The following SRRM3 variants were observed in gnomAD, a reference collection of about 807,000 sequenced individuals.
SRRM3 encodes serine/arginine repetitive matrix 3.
A neutral mutation model predicts 66.2 loss-of-function variants in SRRM3; 27 were observed. The ratio of observed to expected loss-of-function variants is 0.41; its 90% CI spans 0.30 to 0.56. The LOEUF is 0.56. Ranked by LOEUF, SRRM3 falls within the 20% of genes least tolerant of loss-of-function variation. SRRM3 has a pLI of 0.32. For synonymous variants in SRRM3, 391 were observed against 414.9 expected (o/e 0.94, Z 0.70); for missense variants, 918 against 991.9 (o/e 0.93, Z 1.00).
chr7:76,281,816 A>G lies in SRRM3; in HGVS notation c.1370+14A>G. The G allele has an allele frequency of 7.4e-7, 1 of 1,346,572 alleles. No individual in the cohort carries two copies. The highest frequency in any genetic ancestry group is 9.5e-7 in the Non-Finnish European group (1 of 1,049,216). 83.4% of individuals were successfully genotyped at this position (1,346,572 alleles called of 1,614,324 possible). A position where few individuals can be genotyped will look rare whatever the true frequency, so the allele number is the denominator to read the frequency against. On this transcript the variant is annotated intron_variant, in intron 12 of 14. Coordinates refer to ENST00000611745, the MANE Select transcript of SRRM3 (RefSeq NM_001110199.3). ...ACACGGGAAACGGTGAGCGTGCTGG[A>G]CCCGGAGCTGGACTCCCGCCCCCAC...
At chr7:76,263,478 G>A (rs1008948733) in intron 8 of SRRM3, among the ~76,000 whole-genome samples, 1 of 152,180 alleles carries the variant, frequency 6.6e-6, no homozygotes, top group South Asian at 2.1e-4. Context: ...TGGGGGGCTT[G>A]CCCCAGAGGG....
At chr7:76,228,997 C>T (rs902197562) in intron 1 of SRRM3, among the ~76,000 whole-genome samples, 1 of 150,426 alleles carries the variant, frequency 6.6e-6, no homozygotes, top group East Asian at 2.0e-4. Flanking sequence ...CCCCTGGGTT[C>T]ACGCCATTCT....
intron 3 of SRRM3, among the ~76,000 whole-genome samples, chr7:76,254,652 T>G (rs1478766536): frequency 3.3e-5 from 5 of 152,056 alleles, no homozygotes; most frequent in African/African-American, 4.8e-5. Flanking sequence ...CCTTCATCAT[T>G]TTTGTGTCAG....
intron 1 of SRRM3, among the ~76,000 whole-genome samples, chr7:76,204,389 A>T (rs1554600917): frequency 6.6e-6 from 1 of 152,128 alleles, no homozygotes; most frequent in African/African-American, 2.4e-5. Context: ...ACATGATCTC[A>T]TCTCATCCTC....
At chr7:76,272,803 G>A (rs551478542) in intron 11 of SRRM3, among the ~76,000 whole-genome samples, 1 of 152,224 alleles carries the variant, frequency 6.6e-6, no homozygotes, top group Middle Eastern at 3.4e-3. Flanking sequence ...TCATGTAATG[G>A]GCAGCCTCGG....
intron 1 of SRRM3, among the ~76,000 whole-genome samples, chr7:76,227,934 A>G (rs1168267306): frequency 6.6e-6 from 1 of 152,100 alleles, no homozygotes; most frequent in African/African-American, 2.4e-5. Flanking sequence ...CAGTGGCGCA[A>G]ACTCAGGTCA....
chr7:76,260,339 C>G, intron 5 of SRRM3, 142 bp downstream of exon 5: 1 of 627,404 alleles, frequency 1.6e-6, no homozygotes. Context: ...CGTGCCGTCC[C>G]CCGACTAGGT....
intron 8 of SRRM3, 79 bp from the exon 9 acceptor site, chr7:76,264,686 T>G: frequency 6.8e-7 from 1 of 1,479,056 alleles, no homozygotes; most frequent in South Asian, 1.2e-5. Flanking sequence ...GATCCACACC[T>G]GAGTATACCC....
At chr7:76,282,426 C>G (rs1378300360) in intron 12 of SRRM3, among the ~76,000 whole-genome samples, 2 of 149,232 alleles carry the variant, frequency 1.3e-5, no homozygotes, top group African/African-American at 4.9e-5. Context: ...GCAGAACAAT[C>G]TCCTCCACTG....
At chr7:76,280,116 TA>T (rs567656342) in intron 11 of SRRM3, among the ~76,000 whole-genome samples, 1,810 of 118,162 alleles carry the variant, frequency 0.015, 13 homozygotes, top group African/African-American at 0.028. Flanking sequence ...AATCAGAACT[TA>T]AAAAAAAAAA....
At chr7:76,206,341 A>G (rs1800301606) in intron 1 of SRRM3, among the ~76,000 whole-genome samples, 1 of 152,062 alleles carries the variant, frequency 6.6e-6, no homozygotes, top group Non-Finnish European at 1.5e-5. Context: ...AGAGTGAGGG[A>G]GAGTGGGTTC....
intron 2 of SRRM3, among the ~76,000 whole-genome samples, chr7:76,236,579 C>T (rs1431819229): frequency 2.0e-5 from 3 of 152,198 alleles, no homozygotes; most frequent in African/African-American, 7.2e-5. Flanking sequence ...CTCTGAGGAG[C>T]TTAGGAAGAC....
chr7:76,219,818 G>A (rs1800665174), intron 1 of SRRM3, among the ~76,000 whole-genome samples: 1 of 152,172 alleles, frequency 6.6e-6, no homozygotes, highest in Non-Finnish European at 1.5e-5. Context: ...GCTAAGGCAT[G>A]AGAATGGCTG....
chr7:76,279,783 T>G (rs967747020), intron 11 of SRRM3, among the ~76,000 whole-genome samples: 10 of 152,148 alleles, frequency 6.6e-5, no homozygotes, highest in African/African-American at 2.2e-4. Flanking sequence ...CAGATGCCCT[T>G]CCTGGTTTTC....
intron 2 of SRRM3, 134 bp from the exon 3 acceptor site, chr7:76,248,054 C>A: frequency 1.5e-6 from 1 of 673,316 alleles, no homozygotes; most frequent in Non-Finnish European, 2.7e-6. Flanking sequence ...TGATCTGTGA[C>A]CTTGGACAGG....
In SRRM3 at chr7:76,236,005, C is replaced by CAAAAAAAAA. The variant is rs1161706465; in HGVS notation, c.233+723_233+731dup. 1.7e-3 allele frequency among the ~76,000 whole-genome samples: 34 copies of CAAAAAAAAA among 20,274 alleles called. 4 individuals are homozygous for CAAAAAAAAA. Among genetic ancestry groups the CAAAAAAAAA allele is most frequent in the African/African-American group, 5.1e-3 (32 of 6,224 alleles). The allele number at this position is 20,274 out of a possible 152,430, so 13.3% of individuals were successfully genotyped here. On this transcript the variant is annotated intron_variant, in intron 2 of 14. Transcript: ENST00000611745. ...TGGGCAACAGATCGAGATTCTGTCT[C>CAAAAAAAAA]AAAAAAAAAAAAAAAAAAAAAAAAA...
At chr7:76,228,385 C>A (rs1422653910) in intron 1 of SRRM3, among the ~76,000 whole-genome samples, 3 of 152,064 alleles carry the variant, frequency 2.0e-5, no homozygotes, top group Non-Finnish European at 4.4e-5. Flanking sequence ...AATTCTCAAG[C>A]CCCACTCCAG....
Position 76,243,606 on chromosome 7 carries a change from C to A in SRRM3, c.234-4582C>A, listed in dbSNP as rs564621737. On this transcript the variant is annotated intron_variant, in intron 2 of 14. Transcript: ENST00000611745. ...AAACCCATTTGTGCCCATTTCCCAG[C>A]CTTCCATGTGCCAAAGACCCCCAGG... Among the ~76,000 whole-genome samples, 233 of 152,294 alleles carry A rather than the reference C, an allele frequency of 1.5e-3. 8 individuals carry two copies. The South Asian group carries it at 0.047, about 30-fold the overall frequency.
intron 1 of SRRM3, among the ~76,000 whole-genome samples, chr7:76,211,337 G>A (rs1554601669): frequency 6.6e-6 from 1 of 151,800 alleles, no homozygotes; most frequent in East Asian, 1.9e-4. Flanking sequence ...CCAGGTGCTT[G>A]GGGAACAGCA....
Sources: gnomAD v4.1 joint callset for allele counts (sites outside exome capture counted in the v4.1 genomes callset) on GRCh38, gnomAD v4.1.1 for gene constraint, MANE v1.5 for transcripts, NCBI Gene and HGNC (gene_info 2026-07-23, HGNC 2026-07-21) for gene names.